SGCZ: variants seen among roughly 807,000 people sequenced by gnomAD.
SGCZ encodes the protein zeta-sarcoglycan.
A neutral mutation model predicts 41.3 loss-of-function variants in SGCZ; 40 were observed. The observed-to-expected ratio is 0.97, with a 90% CI of 0.75 to 1.26. The LOEUF (loss-of-function observed/expected upper bound fraction) is 1.26. Ranked by LOEUF, SGCZ falls within the 50% of genes most tolerant of loss-of-function variation. The pLI is 0.00. For synonymous variants in SGCZ, 206 were observed against 137.5 expected, an observed-to-expected ratio of 1.50 and a Z score of -3.49; for missense variants, 552 against 369.8, an observed-to-expected ratio of 1.49 and a Z score of -4.04.
At chr8:14,367,152 G>A (rs967411195) in intron 2 of SGCZ, among the ~76,000 whole-genome samples, 15 of 152,106 alleles carry the variant, frequency 9.9e-5, no homozygotes, top group East Asian at 5.8e-4. Flanking sequence ...ACAGATCTTC[G>A]GGACAGGGGC....
At chr8:15,187,050 G>T (rs889723327) in intron 1 of SGCZ, among the ~76,000 whole-genome samples, 2 of 152,090 alleles carry the variant, frequency 1.3e-5, no homozygotes, top group Non-Finnish European at 2.9e-5. Context: ...CCAGAAAGTC[G>T]CATAAATCAG....
At chr8:14,600,158 T>A (rs1289237766) in intron 1 of SGCZ, among the ~76,000 whole-genome samples, 1 of 152,136 alleles carries the variant, frequency 6.6e-6, no homozygotes, top group Non-Finnish European at 1.5e-5. Flanking sequence ...TTACTTGGAC[T>A]TCTGGGCACC....
rs144047131 is a variant in SGCZ at position 14,430,084 on chromosome 8, C to T, written c.235-105880G>A. 4.2e-3 allele frequency among the ~76,000 whole-genome samples: 639 copies of T among 152,092 alleles called. 3 individuals carry two copies. Among genetic ancestry groups the T allele is most frequent in the Non-Finnish European group, 7.6e-3 (520 of 67,988 alleles). Reference sequence around the variant, plus strand: ...TTAATCTGGCCAGTGGTCTCCAAGACCAGACAGATTCACAGCAGAATTCTG... The same window carrying T: ...TTAATCTGGCCAGTGGTCTCCAAGATCAGACAGATTCACAGCAGAATTCTG... On this transcript the variant is annotated intron_variant, in intron 2 of 7. Coordinates refer to ENST00000382080, the MANE Select transcript of SGCZ (RefSeq NM_139167.4).
intron 1 of SGCZ, among the ~76,000 whole-genome samples, chr8:15,084,872 A>G (rs1454587): frequency 0.99 from 151,241 of 152,316 alleles, 75,100 homozygotes; most frequent in Middle Eastern, 1. Context: ...CCCAATATCT[A>G]ACATTGATAA....
At chr8:14,094,398 G>C (rs982098241) in intron 7 of SGCZ, among the ~76,000 whole-genome samples, 12 of 151,922 alleles carry the variant, frequency 7.9e-5, no homozygotes, top group African/African-American at 4.8e-5. Flanking sequence ...TTGGTTTTCT[G>C]TTCTTGTGTT....
chr8:14,930,315 T>C lies in SGCZ; in HGVS notation c.39+307270A>G, dbSNP rs557722785. Among the ~76,000 whole-genome samples, 139 of 152,028 alleles carry C rather than the reference T, an allele frequency of 9.1e-4. 1 individual carries two copies. Among genetic ancestry groups the C allele is most frequent in the African/African-American group, 2.6e-3 (106 of 41,356 alleles). On this transcript the variant is annotated intron_variant, in intron 1 of 7. Transcript: ENST00000382080. ...TATCTCATGCCAGTTAGAATGGCGA[T>C]CATTAAAAAGTCAGGAAACAACAGA...
intron 3 of SGCZ, among the ~76,000 whole-genome samples, chr8:14,305,924 T>G (rs2116984073): frequency 6.6e-6 from 1 of 152,334 alleles, no homozygotes; most frequent in African/African-American, 2.4e-5. Context: ...AAGCCCGGAC[T>G]AACCTCCTAC....
chr8:14,194,535 T>C, intron 4 of SGCZ, among the ~76,000 whole-genome samples: 1 of 151,922 alleles, frequency 6.6e-6, no homozygotes, highest in East Asian at 1.9e-4. Context: ...AAGAAGGATG[T>C]TGGCAAGGCT....
At chr8:14,774,996 A>C (rs1413150887) in intron 1 of SGCZ, among the ~76,000 whole-genome samples, 1 of 152,194 alleles carries the variant, frequency 6.6e-6, no homozygotes, top group Non-Finnish European at 1.5e-5. Context: ...ATAAAGGAAA[A>C]AAATGCTTGT....
chr8:14,189,985 G>A (rs1387725361), intron 4 of SGCZ, among the ~76,000 whole-genome samples: 2 of 150,314 alleles, frequency 1.3e-5, no homozygotes, highest in Admixed American at 1.3e-4. Flanking sequence ...TGTCAGAAAT[G>A]GGAGAATCTA....
intron 1 of SGCZ, among the ~76,000 whole-genome samples, chr8:15,232,948 A>G (rs2070992208): frequency 6.6e-6 from 1 of 151,702 alleles, no homozygotes. Flanking sequence ...AGTATAACCC[A>G]TAAATGTATA....
intron 1 of SGCZ, among the ~76,000 whole-genome samples, chr8:14,619,068 C>A (rs537412286): frequency 6.6e-6 from 1 of 152,034 alleles, no homozygotes; most frequent in South Asian, 2.1e-4. Flanking sequence ...ATTTTCACAC[C>A]GTTATAAAGA....
intron 1 of SGCZ, among the ~76,000 whole-genome samples, chr8:14,587,505 A>T (rs1188739829): frequency 1.3e-5 from 2 of 152,196 alleles, no homozygotes; most frequent in East Asian, 3.9e-4. Flanking sequence ...ACCTGCCTCT[A>T]CCAAAAATTA....
rs143008754 is a variant in SGCZ at position 14,471,517 on chromosome 8, G to T, written c.234+83215C>A. ...ACAAGGAAGACATAGTCTCTGGGTT[G>T]AGTTTCTCAGTGGAGACTGTGTTCC... On this transcript the variant is annotated intron_variant, in intron 2 of 7. Coordinates refer to ENST00000382080, the MANE Select transcript of SGCZ (RefSeq NM_139167.4). Among the ~76,000 whole-genome samples, 745 of 152,108 alleles carry T rather than the reference G, an allele frequency of 4.9e-3. 7 individuals are homozygous for T. Among genetic ancestry groups the T allele is most frequent in the African/African-American group, 0.017 (692 of 41,542 alleles).
intron 1 of SGCZ, among the ~76,000 whole-genome samples, chr8:14,640,885 A>G (rs1173733842): frequency 6.6e-6 from 1 of 151,698 alleles, no homozygotes; most frequent in Non-Finnish European, 1.5e-5. Flanking sequence ...AGCCATCTGC[A>G]GCATACATCT....
chr8:14,990,406 A>C (rs1399811385), intron 1 of SGCZ, among the ~76,000 whole-genome samples: 1 of 152,150 alleles, frequency 6.6e-6, no homozygotes, highest in Non-Finnish European at 1.5e-5. Context: ...GCCAAGCTGC[A>C]TCTGTACTTT....
At chr8:14,670,901 T>G (rs1808079890) in intron 1 of SGCZ, among the ~76,000 whole-genome samples, 1 of 152,164 alleles carries the variant, frequency 6.6e-6, no homozygotes, top group Non-Finnish European at 1.5e-5. Context: ...TGGTCTTAAT[T>G]TACTACCCTA....
intron 2 of SGCZ, among the ~76,000 whole-genome samples, chr8:14,449,367 T>G (rs1031615433): frequency 1.3e-5 from 2 of 152,212 alleles, no homozygotes; most frequent in African/African-American, 4.8e-5. Context: ...ATACCATGGC[T>G]GTGGCACATG....
At chr8:14,444,388 C>A (rs577856383) in intron 2 of SGCZ, among the ~76,000 whole-genome samples, 6 of 151,948 alleles carry the variant, frequency 3.9e-5, no homozygotes, top group Non-Finnish European at 7.4e-5. Flanking sequence ...CACTATTCAC[C>A]ATAGCAAAGA....
Sources: gnomAD v4.1 joint callset for allele counts (sites outside exome capture counted in the v4.1 genomes callset) on GRCh38, gnomAD v4.1.1 for gene constraint, MANE v1.5 for transcripts, NCBI Gene and HGNC (gene_info 2026-07-23, HGNC 2026-07-21) for gene names.